The following RXRA variants were observed in gnomAD, a reference collection of about 807,000 sequenced individuals.
RXRA encodes the protein retinoic acid receptor RXR-alpha.
In RXRA, 5 loss-of-function variants were observed where a neutral mutation model predicts 44.5. The observed-to-expected ratio is 0.11, with a 90% CI of 0.06 to 0.24. The LOEUF (loss-of-function observed/expected upper bound fraction) is 0.24, where lower values mean the gene tolerates loss of function less well. RXRA is among the 10% of genes least tolerant of loss of function. The pLI is 1.00. For synonymous variants in RXRA, 291 were observed against 271.4 expected (o/e 1.07, Z -0.71); for missense variants, 412 against 646.5 (o/e 0.64, Z 3.93).
chr9:134,411,456 G>A (rs999601609), intron 4 of RXRA, among the ~76,000 whole-genome samples: 7 of 152,192 alleles, frequency 4.6e-5, no homozygotes, highest in Non-Finnish European at 8.8e-5. Flanking sequence ...GGTCTCACTC[G>A]CCCCATACCT....
At chr9:134,424,812 C>G in intron 6 of RXRA, 9 of 985,478 alleles carry the variant, frequency 9.1e-6, no homozygotes, top group Non-Finnish European at 1.1e-5. Flanking sequence ...AGGTCAGGAT[C>G]CATGGCTGTA....
intron 1 of RXRA, among the ~76,000 whole-genome samples, chr9:134,372,843 T>G (rs114822367): frequency 0.011 from 1,622 of 152,330 alleles, 25 homozygotes; most frequent in African/African-American, 0.037. Flanking sequence ...TAGCTCAGGC[T>G]CTCTGGTCTG....
rs183454452 is a variant in RXRA, at chr9:134,367,684, G to T, written c.29-33948G>T. ...CTCAACTTGCCTGCCTGTGCAGGGG[G>T]TGTGTGGGGCACCATGGTCCCCCAA... On this transcript the variant is annotated intron_variant, in intron 1 of 9. Coordinates refer to ENST00000481739, the MANE Select transcript of RXRA (RefSeq NM_002957.6). Among the ~76,000 whole-genome samples the T allele has an allele frequency of 2.3e-3, 355 of 152,362 alleles. 2 individuals carry two copies. The highest frequency in any genetic ancestry group is 8.2e-3 in the African/African-American group (340 of 41,590).
At chr9:134,409,878 T>G (rs1831120104) in intron 4 of RXRA, among the ~76,000 whole-genome samples, 1 of 151,976 alleles carries the variant, frequency 6.6e-6, no homozygotes, top group African/African-American at 2.4e-5. Context: ...GAAGATCTGT[T>G]GGTCTGTCCC....
Position 134,407,065 on chromosome 9 carries a change from A to G in RXRA, c.280-1084A>G, listed in dbSNP as rs1049374911. On this transcript the variant is annotated intron_variant, in intron 2 of 9. Coordinates refer to ENST00000481739, the MANE Select transcript of RXRA (RefSeq NM_002957.6). The surrounding 1 kb of genome is among the most constrained non-coding windows in gnomAD (Gnocchi z 4.8). ...GCCCACCTGAGTCCTGCAGGGACCA[A>G]GCATCCTTGTAAAGCCTCACAGCCC... Among the ~76,000 whole-genome samples, 2 of 152,200 alleles carry G rather than the reference A, an allele frequency of 1.3e-5. No individual in the cohort carries two copies. Among genetic ancestry groups the G allele is most frequent in the African/African-American group, 4.8e-5 (2 of 41,458 alleles).
chr9:134,353,946 G>A (rs1830252407), intron 1 of RXRA, among the ~76,000 whole-genome samples: 1 of 152,218 alleles, frequency 6.6e-6, no homozygotes, highest in African/African-American at 2.4e-5. Context: ...GACTGTGGGT[G>A]GATGAGAGCT....
chr9:134,404,093 G>T, intron 2 of RXRA: 1 of 152,230 alleles, frequency 6.6e-6, no homozygotes, highest in East Asian at 1.9e-4. Flanking sequence ...GTGTGAGCAG[G>T]GTTTCAGGAG....
At chr9:134,327,413 C>G (rs1834933878) in intron 1 of RXRA, among the ~76,000 whole-genome samples, 1 of 152,156 alleles carries the variant, frequency 6.6e-6, no homozygotes, top group South Asian at 2.1e-4. Context: ...CAACTCCAGG[C>G]CCAGACCTAC....
chr9:134,370,670 G>A (rs1362261644), intron 1 of RXRA, among the ~76,000 whole-genome samples: 1 of 152,212 alleles, frequency 6.6e-6, no homozygotes, highest in Non-Finnish European at 1.5e-5. Flanking sequence ...AGCCATCCCC[G>A]TGTGCTGGCT....
intron 8 of RXRA, among the ~76,000 whole-genome samples, chr9:134,432,925 G>A (rs990714746): frequency 1.1e-4 from 16 of 152,188 alleles, no homozygotes; most frequent in African/African-American, 3.4e-4. Context: ...TTCCAGCCGG[G>A]AGGGAGCTAT....
chr9:134,436,459 C>A lies in RXRA; in HGVS notation c.1242-8C>A, dbSNP rs1350673607. 1 of 1,613,608 alleles carries A rather than the reference C, an allele frequency of 6.2e-7. No homozygotes were observed. On this transcript the variant is annotated splice_polypyrimidine_tract_variant and splice_region_variant and intron_variant, in intron 9 of 9. Transcript: ENST00000481739. ...TTGCCCGGCCCTCACCAGACCTGTT[C>A]CCTGCAGGTTCGCTAAGCTCTTGCT...
chr9:134,422,410 A>G, intron 6 of RXRA: 1 of 1,206,268 alleles, frequency 8.3e-7, no homozygotes, highest in South Asian at 1.3e-5. Context: ...GTCCCGTGAC[A>G]TTCCACTCTC....
At position 134,417,272 on chromosome 9, in the gene RXRA, T is replaced by C. The variant is rs1831250055; in HGVS notation, c.725T>C (p.Val242Ala). ...AGGATCCTGGAGGCTGAGCTGGCCGTGGAGCCCAAGACCGAGACCTACGTG... is the reference window on the plus strand; with the variant it reads ...AGGATCCTGGAGGCTGAGCTGGCCGCGGAGCCCAAGACCGAGACCTACGTG... ...VERILEAELA[V>A]EPKTETYVEA... Residue 242 changes from valine to alanine, a missense_variant, in exon 5 of 10, where the codon GTG becomes GCG. Physicochemically the swap from Val to Ala is moderately conservative, Grantham distance 64 (BLOSUM62 0). Around this residue, in one of 4 missense-constraint regions of RXRA, gnomAD observed 67 missense variants for 78.7 expected, o/e 0.85. Transcript: ENST00000481739. The surrounding 1 kb of genome is among the most constrained non-coding windows in gnomAD (Gnocchi z 6.1). 1 of 1,613,848 alleles carries C rather than the reference T, an allele frequency of 6.2e-7. No individual in the cohort carries two copies. Among genetic ancestry groups the C allele is most frequent in the Non-Finnish European group, 8.5e-7 (1 of 1,179,962 alleles).
At chr9:134,398,461 C>T (rs1276157669) in intron 1 of RXRA, among the ~76,000 whole-genome samples, 1 of 152,164 alleles carries the variant, frequency 6.6e-6, no homozygotes, top group Non-Finnish European at 1.5e-5. Context: ...AAAAGCATCT[C>T]TCTCTAGAGG....
At chr9:134,344,566 G>A (rs1416776335) in intron 1 of RXRA, among the ~76,000 whole-genome samples, 5 of 152,146 alleles carry the variant, frequency 3.3e-5, no homozygotes, top group Admixed American at 6.5e-5. Context: ...AGGTTGGGAC[G>A]GGGCTGGATC....
At chr9:134,424,982 G>C (rs1831408759) in intron 6 of RXRA, 2 of 985,458 alleles carry the variant, frequency 2.0e-6, no homozygotes, top group Non-Finnish European at 2.4e-6. Context: ...CAGTGCTGGT[G>C]GGGGAGGTCA....
At chr9:134,393,203 G>A (rs1199493182) in intron 1 of RXRA, among the ~76,000 whole-genome samples, 1 of 152,074 alleles carries the variant, frequency 6.6e-6, no homozygotes, top group Non-Finnish European at 1.5e-5. Context: ...TGAGCGACCT[G>A]GGCGCTCTTC....
At chr9:134,340,480 C>T (rs182577205) in intron 1 of RXRA, among the ~76,000 whole-genome samples, 106 of 152,290 alleles carry the variant, frequency 7.0e-4, no homozygotes, top group African/African-American at 2.5e-3. Context: ...TGCCAGGGAG[C>T]ACTCTGAAGC....
In RXRA at chr9:134,423,956, C is replaced by G. The variant is rs905829354; in HGVS notation, c.910+2151C>G. On this transcript the variant is annotated intron_variant, in intron 6 of 9. Coordinates refer to ENST00000481739, the MANE Select transcript of RXRA (RefSeq NM_002957.6). The stretch of plus-strand genomic sequence containing the variant: ...TTCCTGGGGATCCCAGATGGTTGTG[C>G]GCTGGGGGCCTGGCGGAGGTCCGAG... 3 of 985,020 alleles carry G rather than the reference C, an allele frequency of 3.0e-6. No homozygotes were observed. In the African/African-American group the frequency reaches 5.2e-5, roughly 17 times the overall value. The allele number at this position is 985,020 out of a possible 1,614,324, so 61.0% of individuals were successfully genotyped here. A position where few individuals can be genotyped will look rare whatever the true frequency, so the allele number is the denominator to read the frequency against.
Sources: allele counts gnomAD v4.1 joint callset (sites outside exome capture counted in the v4.1 genomes callset), GRCh38; gene constraint gnomAD v4.1.1; regional missense constraint gnomAD v4.1.1; non-coding constraint Gnocchi (gnomAD v3.1); transcripts MANE v1.5; gene names NCBI Gene and HGNC (gene_info 2026-07-23, HGNC 2026-07-21).